CHERP: variants seen among roughly 807,000 people sequenced by gnomAD.
CHERP encodes the protein calcium homeostasis endoplasmic reticulum protein, also known as ERPROT 213-21.
Under a neutral mutation model 113.8 loss-of-function variants are expected in CHERP, and 8 were observed. The observed-to-expected ratio is 0.07, with a 90% CI of 0.04 to 0.13. The LOEUF (loss-of-function observed/expected upper bound fraction) is 0.13, where lower values mean the gene tolerates loss of function less well. Ranked by LOEUF, CHERP falls within the 10% of genes least tolerant of loss-of-function variation. The pLI is 1.00. For missense variants in CHERP, 884 were observed against 1,298.2 expected (o/e 0.68, Z 4.90); for synonymous variants, 559 against 524.5 (o/e 1.07, Z -0.90).
intron 9 of CHERP, among the ~76,000 whole-genome samples, chr19:16,526,502 C>CT (rs2085658553): frequency 6.6e-6 from 1 of 152,266 alleles, no homozygotes; most frequent in Admixed American, 6.5e-5. Context: ...CAGTCTCGCT[C>CT]TGTTGCCCAG....
chr19:16,519,744 A>C lies in CHERP; in HGVS notation c.2463-29T>G, dbSNP rs183145767. The stretch of plus-strand genomic sequence containing the variant: ...AAATCGAGACAGGTTATTCTTTTTA[A>C]GAAGTAACTGAGACATTTATTGGAA... On this transcript the variant is annotated intron_variant, in intron 15 of 16. Transcript: ENST00000546361. This position sits in a 1 kb window ranked among gnomAD's most constrained non-coding sequence, Gnocchi z 6.0. 7 of 1,561,348 alleles carry C rather than the reference A, an allele frequency of 4.5e-6. No homozygotes were observed. In the East Asian group the frequency reaches 1.6e-4, roughly 35 times the overall value.
Position 16,530,556 on chromosome 19 carries a change from G to A in CHERP, c.876+29C>T, listed in dbSNP as rs2085693798. 2 of 1,603,214 alleles carry A rather than the reference G, an allele frequency of 1.2e-6. No homozygotes were observed. The highest frequency in any genetic ancestry group is 1.7e-6 in the Non-Finnish European group (2 of 1,170,390). ...CTGGGGAACCCGCCCCAGCTCTAGG[G>A]TGAGGTGTGGGTGGGCAGGGACACT... On this transcript the variant is annotated intron_variant, in intron 7 of 16. Transcript: ENST00000546361. This position sits in a 1 kb window ranked among gnomAD's most constrained non-coding sequence, Gnocchi z 4.1.
At chr19:16,524,235 G>T (rs538649883) in intron 10 of CHERP, among the ~76,000 whole-genome samples, 229 of 149,724 alleles carry the variant, frequency 1.5e-3, no homozygotes, top group Middle Eastern at 3.7e-3. Flanking sequence ...TGACAGTGAG[G>T]CTCAGTCTCA....
In CHERP at chr19:16,532,302, G is replaced by C. The variant is rs1047385428; in HGVS notation, c.674+296C>G. The C allele has an allele frequency of 1.4e-5, 5 of 348,310 alleles. No individual in the cohort carries two copies. The East Asian group carries it at 1.4e-4, about 10-fold the overall frequency. 21.6% of individuals were successfully genotyped at this position (348,310 alleles called of 1,614,324 possible). ...GAGACGCCAAGAAGCTGCCCCATGA[G>C]AGGAAGGAGTGCAGGGGACAGTGGC... On this transcript the variant is annotated intron_variant, in intron 5 of 16. Transcript: ENST00000546361. This position sits in a 1 kb window ranked among gnomAD's most constrained non-coding sequence, Gnocchi z 4.4.
Position 16,519,180 on chromosome 19 carries a change from C to T in CHERP, c.2730G>A (p.Lys910=), listed in dbSNP as rs1409307956. ...GCGCCTACTTACACTCGTCCCTGGC[C>T]TTCATGCGGGCGATGAAGGAGTAGC... ...NKSYSFIARM[K]ARDECK Residue 910 remains lysine, a synonymous_variant, in exon 17 of 17, where the codon AAG becomes AAA. Transcript: ENST00000546361. This position sits in a 1 kb window ranked among gnomAD's most constrained non-coding sequence, Gnocchi z 6.0. The T allele has an allele frequency of 6.2e-7, 1 of 1,613,834 alleles. No individual in the cohort carries two copies. Among genetic ancestry groups the T allele is most frequent in the Admixed American group, 1.7e-5 (1 of 60,000 alleles).
In CHERP at chr19:16,529,638, A is replaced by G; in HGVS notation, c.1129+10T>C. The G allele has an allele frequency of 6.5e-7, 1 of 1,535,868 alleles. No individual in the cohort carries two copies. The highest frequency in any genetic ancestry group is 1.2e-5 in the South Asian group (1 of 83,992). On this transcript the variant is annotated intron_variant, in intron 8 of 16. Coordinates refer to ENST00000546361, the MANE Select transcript of CHERP (RefSeq NM_006387.6). Reference sequence around the variant, plus strand: ...TCCTGGGGGCAGGCTGAGCTGAGGGAGCCCCGTACCAGGCTGGGTGGTGGG... The same window carrying G: ...TCCTGGGGGCAGGCTGAGCTGAGGGGGCCCCGTACCAGGCTGGGTGGTGGG...
At chr19:16,536,692 T>C (rs951239520) in intron 2 of CHERP, among the ~76,000 whole-genome samples, 15 of 152,086 alleles carry the variant, frequency 9.9e-5, no homozygotes, top group African/African-American at 3.6e-4. Context: ...CTCCAACTCC[T>C]CCCTCTTTAC....
chr19:16,533,750 A>G lies in CHERP; in HGVS notation c.385-602T>C, dbSNP rs1469723597. 4.6e-5 allele frequency among the ~76,000 whole-genome samples: 7 copies of G among 151,892 alleles called. No homozygotes were observed. In the East Asian group the frequency reaches 1.3e-3, roughly 29 times the overall value. ...GCACTCCAGCCTGAGTGACACAGCA[A>G]GACCTTGTCTCTAACAACAACAAAA... On this transcript the variant is annotated intron_variant, in intron 3 of 16. Transcript: ENST00000546361.
At position 16,519,405 on chromosome 19, in the gene CHERP, G is replaced by A; in HGVS notation, c.2558-53C>T. ...CAACAAGGCGGAGGCAGATGGGGGT[G>A]CACGTGGGGGGCTGAATGTCCAGAC... On this transcript the variant is annotated intron_variant, in intron 16 of 16. Coordinates refer to ENST00000546361, the MANE Select transcript of CHERP (RefSeq NM_006387.6). This position sits in a 1 kb window ranked among gnomAD's most constrained non-coding sequence, Gnocchi z 6.0. 1.3e-6 allele frequency: 2 copies of A among 1,548,932 alleles called. No homozygotes were observed. The highest frequency in any genetic ancestry group is 8.8e-7 in the Non-Finnish European group (1 of 1,136,892).
rs775194594 is a variant in CHERP at position 16,525,376 on chromosome 19, T to C, written c.1607A>G (p.Asn536Ser). Reference sequence around the variant, plus strand: ...GAAGTTGTGGGGGTGCGGAGGCTGGTTGAACTGCGGGTGCTGCTGGTGGGG... The same window carrying C: ...GAAGTTGTGGGGGTGCGGAGGCTGGCTGAACTGCGGGTGCTGCTGGTGGGG... ...FPPHQQHPQF[N>S]QPPHPHNFNR... is the part of the protein sequence containing the mutation. The change falls in exon 10 of 17, where the codon AAC becomes AGC. Residue 536 changes from asparagine to serine, a missense_variant. By Grantham distance (46) the Asn-to-Ser change is conservative (BLOSUM62 1). Transcript: ENST00000546361. The surrounding 1 kb of genome is among the most constrained non-coding windows in gnomAD (Gnocchi z 6.5). 24 of 1,495,784 alleles carry C rather than the reference T, an allele frequency of 1.6e-5. No individual in the cohort carries two copies. The East Asian group carries it at 1.7e-4, about 11-fold the overall frequency. 92.7% of individuals were successfully genotyped at this position (1,495,784 alleles called of 1,614,324 possible).
intron 8 of CHERP, among the ~76,000 whole-genome samples, chr19:16,528,716 G>A (rs759636563): frequency 6.6e-6 from 1 of 152,216 alleles, no homozygotes; most frequent in Non-Finnish European, 1.5e-5. Flanking sequence ...CACTTTGGGA[G>A]GCTGAGGTGG....
chr19:16,532,934 C>A lies in CHERP; in HGVS notation c.522+77G>T. The A allele has an allele frequency of 1.3e-6, 2 of 1,538,658 alleles. No individual in the cohort carries two copies. Among genetic ancestry groups the A allele is most frequent in the East Asian group, 2.4e-5 (1 of 41,128 alleles). On this transcript the variant is annotated intron_variant, in intron 4 of 16. Transcript: ENST00000546361. The surrounding 1 kb of genome is among the most constrained non-coding windows in gnomAD (Gnocchi z 4.4). ...GGCACCCATTGTAACAGCCCTTAGC[C>A]CAGATTGGCTACGACAGGCCCTGCC...
rs570535651 is a variant in CHERP at position 16,525,224 on chromosome 19, A to G, written c.1741+18T>C. On this transcript the variant is annotated intron_variant, in intron 10 of 16. Coordinates refer to ENST00000546361, the MANE Select transcript of CHERP (RefSeq NM_006387.6). This position sits in a 1 kb window ranked among gnomAD's most constrained non-coding sequence, Gnocchi z 6.5. Reference sequence around the variant, plus strand: ...TGGATGCCTCCGCCAGGCCCTACCCAGGCGCCCGTACACTCACCGGCAGGG... The same window carrying G: ...TGGATGCCTCCGCCAGGCCCTACCCGGGCGCCCGTACACTCACCGGCAGGG... 2.3e-5 allele frequency: 32 copies of G among 1,408,502 alleles called. No individual in the cohort carries two copies. Among genetic ancestry groups the G allele is most frequent in the Non-Finnish European group, 2.9e-5 (31 of 1,080,800 alleles). The allele number at this position is 1,408,502 out of a possible 1,614,324, so 87.3% of individuals were successfully genotyped here.
chr19:16,526,011 C>T (rs958482023), intron 9 of CHERP, among the ~76,000 whole-genome samples: 2 of 152,234 alleles, frequency 1.3e-5, no homozygotes, highest in Non-Finnish European at 2.9e-5. Flanking sequence ...CGCCAGCTCC[C>T]TCGCCCCTCA....
Position 16,519,346 on chromosome 19 carries a change from C to T in CHERP, c.2564G>A (p.Ser855Asn). Residue 855 changes from serine to asparagine, a missense_variant, in exon 17 of 17, where the codon AGC becomes AAC. Transcript: ENST00000546361. The surrounding 1 kb of genome is among the most constrained non-coding windows in gnomAD (Gnocchi z 6.0). Reference protein sequence around the residue: ...GHQMLVKMGWSGSGGLGAKEQ... With the variant: ...GHQMLVKMGWNGSGGLGAKEQ... ...CTTCGCACCGAGGCCGCCTGAGCCG[C>T]TCCAGCCTGGAAACAGAGACGCAGT... 2 of 1,610,906 alleles carry T rather than the reference C, an allele frequency of 1.2e-6. No individual in the cohort carries two copies. The highest frequency in any genetic ancestry group is 1.7e-6 in the Non-Finnish European group (2 of 1,179,376).
rs891809678 is a variant in CHERP, at chr19:16,528,086, C to T, written c.1299G>A (p.Gln433=). 6.2e-7 allele frequency: 1 copy of T among 1,613,074 alleles called. No homozygotes were observed. The highest frequency in any genetic ancestry group is 8.5e-7 in the Non-Finnish European group (1 of 1,179,902). ...CCCAGGTTCCAATCAATACCTGCTGCTGGCCCCAAGGAGCCACGGGGTGAG... is the reference window on the plus strand; with the variant it reads ...CCCAGGTTCCAATCAATACCTGCTGTTGGCCCCAAGGAGCCACGGGGTGAG... The part of the protein sequence containing the change: ...DQPHPVAPWG[Q]QQPPEQPPYP... Residue 433 remains glutamine (Q), a synonymous_variant, in exon 9 of 17, where the codon CAG becomes CAA. Transcript: ENST00000546361.
intron 11 of CHERP, among the ~76,000 whole-genome samples, chr19:16,522,062 CCTT>C (rs1478380656): frequency 3.3e-5 from 5 of 151,730 alleles, no homozygotes; most frequent in African/African-American, 1.2e-4. Flanking sequence ...TGGCCTGTAT[CCTT>C]CTTCTGCTCC....
In CHERP at chr19:16,521,513, C is replaced by T; in HGVS notation, c.2114+8G>A. ...CTCCCGCCCACCCCACTGACCTGGG[C>T]CCCTTACCTGTTCCTGGGCCTGTCG... On this transcript the variant is annotated splice_region_variant and intron_variant, in intron 12 of 16. Transcript: ENST00000546361. 6.3e-7 allele frequency: 1 copy of T among 1,583,432 alleles called. No homozygotes were observed. The highest frequency in any genetic ancestry group is 1.8e-5 in the Admixed American group (1 of 56,498).
intron 11 of CHERP, among the ~76,000 whole-genome samples, chr19:16,522,127 G>A (rs892988832): frequency 3.9e-5 from 6 of 152,090 alleles, no homozygotes; most frequent in Admixed American, 6.5e-5. Flanking sequence ...CTGGGCCCCC[G>A]CCCGCAGCTC....
Sources: allele counts gnomAD v4.1 joint callset (sites outside exome capture counted in the v4.1 genomes callset), GRCh38; gene constraint gnomAD v4.1.1; non-coding constraint Gnocchi (gnomAD v3.1); transcripts MANE v1.5; gene names NCBI Gene and HGNC (gene_info 2026-07-23, HGNC 2026-07-21).